PEMT: variants seen among roughly 807,000 people sequenced by gnomAD.
PEMT encodes the protein phosphatidylethanolamine N-methyltransferase.
A neutral mutation model predicts 27.4 loss-of-function variants in PEMT; 23 were observed. The observed-to-expected ratio is 0.84, with a 90% CI of 0.60 to 1.19. The LOEUF (loss-of-function observed/expected upper bound fraction) is 1.19. Among genes scored for constraint, PEMT ranks in the 50% most tolerant of loss-of-function variants. The probability of loss-of-function intolerance (pLI) is 0.00; values close to 1 mark genes in which losing one functional copy is unlikely to be tolerated. For missense variants in PEMT, 307 were observed against 310.1 expected, an observed-to-expected ratio of 0.99 and a Z score of 0.07; for synonymous variants, 137 against 139.1, an observed-to-expected ratio of 0.98 and a Z score of 0.11.
At chr17:17,526,440 C>A (rs980284595) in intron 2 of PEMT, among the ~76,000 whole-genome samples, 2 of 152,262 alleles carry the variant, frequency 1.3e-5, no homozygotes, top group African/African-American at 4.8e-5. Flanking sequence ...GACAGTACCC[C>A]CCACCCCGAT....
intron 1 of PEMT, among the ~76,000 whole-genome samples, chr17:17,590,229 A>T (rs1912521306): frequency 6.6e-6 from 1 of 152,230 alleles, no homozygotes; most frequent in Admixed American, 6.5e-5. Context: ...TTCAATGGAC[A>T]GTTTACTAAA....
intron 1 of PEMT, among the ~76,000 whole-genome samples, chr17:17,579,596 T>C (rs1319843349): frequency 6.6e-6 from 1 of 152,164 alleles, no homozygotes; most frequent in Non-Finnish European, 1.5e-5. Context: ...GAGAATTACT[T>C]GAACCCGGGA....
intron 1 of PEMT, among the ~76,000 whole-genome samples, chr17:17,586,264 G>GAAAT (rs1320675366): frequency 7.3e-5 from 8 of 109,826 alleles, no homozygotes; most frequent in Non-Finnish European, 1.1e-4. Flanking sequence ...AAGAAAGAAA[G>GAAAT]AAAGAAAGAA....
In PEMT at chr17:17,512,092, G is replaced by A. The variant is rs901525868; in HGVS notation, c.466+417C>T. On this transcript the variant is annotated intron_variant, in intron 4 of 6. Transcript: ENST00000255389. The surrounding 1 kb of genome is among the most constrained non-coding windows in gnomAD (Gnocchi z 6.3). The stretch of plus-strand genomic sequence containing the variant: ...CTGGCCTGAGAGCCACGCGTGCCGG[G>A]AGCTGCCAGAGAGGTGGCTGACTCA... 6.6e-6 allele frequency among the ~76,000 whole-genome samples: 1 copy of A among 152,180 alleles called. No individual in the cohort carries two copies. The highest frequency in any genetic ancestry group is 1.5e-5 in the Non-Finnish European group (1 of 68,032).
intron 2 of PEMT, among the ~76,000 whole-genome samples, chr17:17,530,115 T>G (rs1907983472): frequency 1.3e-5 from 2 of 152,208 alleles, no homozygotes; most frequent in Admixed American, 1.3e-4. Flanking sequence ...ATCAAAATTA[T>G]TACCTACAGG....
At chr17:17,589,869 C>G (rs1912504609) in intron 1 of PEMT, among the ~76,000 whole-genome samples, 1 of 152,196 alleles carries the variant, frequency 6.6e-6, no homozygotes, top group African/African-American at 2.4e-5. Flanking sequence ...AAGGGTCACC[C>G]TGACCCGAAC....
At chr17:17,507,188 G>A (rs752825262) in intron 5 of PEMT, 9 of 1,559,018 alleles carry the variant, frequency 5.8e-6, no homozygotes, top group Middle Eastern at 1.7e-4. Context: ...CACAGCTCCC[G>A]CAGGTGCTGG....
At chr17:17,541,168 A>C (rs1005313663) in intron 2 of PEMT, among the ~76,000 whole-genome samples, 3 of 152,180 alleles carry the variant, frequency 2.0e-5, no homozygotes, top group Non-Finnish European at 4.4e-5. Flanking sequence ...TGCTATATAG[A>C]GCACCCATAT....
rs117733344 is a variant in PEMT, at chr17:17,522,916, A to G, written c.205-521T>C. On this transcript the variant is annotated intron_variant, in intron 2 of 6. Transcript: ENST00000255389. The stretch of plus-strand genomic sequence containing the variant: ...CAAAGCAAAGCAAAGAAAACCCCTC[A>G]CCCTCCTCCCTCTGCCCAAGTGCTC... Among the ~76,000 whole-genome samples the G allele has an allele frequency of 8.3e-3, 1,258 of 152,040 alleles. 6 individuals are homozygous for G. Among genetic ancestry groups the G allele is most frequent in the Non-Finnish European group, 0.014 (973 of 67,972 alleles).
At chr17:17,537,110 C>T (rs1442082145) in intron 2 of PEMT, among the ~76,000 whole-genome samples, 6 of 152,244 alleles carry the variant, frequency 3.9e-5, no homozygotes, top group Non-Finnish European at 8.8e-5. Context: ...ACATTTTGCT[C>T]CTTTTCCCTG....
In PEMT at chr17:17,505,685, G is replaced by A. The variant is rs1345783962; in HGVS notation, c.*106C>T. ...CAAGGCACTGGGGCAGCCCACGCCG[G>A]GGGCGAGCCCTGAGCAGCAGGCACC... On this transcript the variant is annotated 3_prime_UTR_variant, in exon 7 of 7. Transcript: ENST00000255389. The A allele has an allele frequency of 1.5e-6, 2 of 1,323,206 alleles. No individual in the cohort carries two copies. The highest frequency in any genetic ancestry group is 2.0e-6 in the Non-Finnish European group (2 of 1,009,120). 82.0% of individuals were successfully genotyped at this position (1,323,206 alleles called of 1,614,324 possible).
chr17:17,543,857 C>A lies in PEMT; in HGVS notation c.205-21462G>T, dbSNP rs190025242. 2.7e-3 allele frequency among the ~76,000 whole-genome samples: 418 copies of A among 152,346 alleles called. 1 individual carries two copies. The highest frequency in any genetic ancestry group is 9.3e-3 in the African/African-American group (388 of 41,572). On this transcript the variant is annotated intron_variant, in intron 2 of 6. Transcript: ENST00000255389. The stretch of plus-strand genomic sequence containing the variant: ...GGATTACGGGCGTGAGCCACGGCGC[C>A]CAGCCAGCTCATGCCTTTTTTGACC...
intron 2 of PEMT, among the ~76,000 whole-genome samples, chr17:17,539,182 T>C (rs149592695): frequency 2.0e-5 from 3 of 152,342 alleles, no homozygotes; most frequent in Admixed American, 2.0e-4. Context: ...GGTCTCGCTA[T>C]GTTGCCCAGG....
At chr17:17,580,833 C>T (rs1018371457) in intron 1 of PEMT, among the ~76,000 whole-genome samples, 7 of 152,208 alleles carry the variant, frequency 4.6e-5, no homozygotes, top group Admixed American at 4.6e-4. Context: ...TCCTCCAACC[C>T]TGGCTTTGCC....
intron 2 of PEMT, among the ~76,000 whole-genome samples, chr17:17,555,764 C>A (rs926462017): frequency 1.3e-5 from 2 of 152,222 alleles, no homozygotes; most frequent in Non-Finnish European, 2.9e-5. Flanking sequence ...TCCGATCACA[C>A]AGAAGCAAAT....
intron 2 of PEMT, among the ~76,000 whole-genome samples, chr17:17,545,335 G>T (rs1266771141): frequency 6.6e-6 from 1 of 152,226 alleles, no homozygotes; most frequent in Non-Finnish European, 1.5e-5. Flanking sequence ...GTGCCCGGAG[G>T]TCACATGCCC....
chr17:17,560,076 G>A (rs532681051), intron 2 of PEMT, among the ~76,000 whole-genome samples: 96 of 152,360 alleles, frequency 6.3e-4, no homozygotes, highest in African/African-American at 2.1e-3. Flanking sequence ...AAAGATCCCC[G>A]GTGACCTGGC....
intron 2 of PEMT, among the ~76,000 whole-genome samples, chr17:17,534,519 G>A (rs1268373529): frequency 1.3e-5 from 2 of 152,222 alleles, no homozygotes; most frequent in African/African-American, 4.8e-5. Context: ...CCTCCTGGCT[G>A]TAGAAACACA....
intron 2 of PEMT, among the ~76,000 whole-genome samples, chr17:17,550,971 G>C (rs1010847319): frequency 3.9e-5 from 6 of 152,242 alleles, no homozygotes; most frequent in African/African-American, 1.4e-4. Context: ...CCCTGCTGCA[G>C]ATCTTGCATG....
Sources: gnomAD v4.1 joint callset for allele counts (sites outside exome capture counted in the v4.1 genomes callset) on GRCh38, gnomAD v4.1.1 for gene constraint, Gnocchi (gnomAD v3.1) non-coding constraint, MANE v1.5 for transcripts, NCBI Gene and HGNC (gene_info 2026-07-23, HGNC 2026-07-21) for gene names.